Variants in MRE11 observed in about 807,000 individuals in gnomAD.
MRE11 encodes double-strand break repair protein MRE11.
MRE11 carries 62 observed loss-of-function variants against 91.7 expected under a neutral mutation model. That is an observed-to-expected ratio of 0.68 (90% CI 0.55 to 0.84). The LOEUF is 0.84. Ranked by LOEUF, MRE11 falls within the 40% of genes least tolerant of loss-of-function variation. MRE11 has a pLI of 0.00. For missense variants in MRE11, 796 were observed against 852.9 expected, an observed-to-expected ratio of 0.93 and a Z score of 0.83; for synonymous variants, 273 against 271.4, an observed-to-expected ratio of 1.01 and a Z score of -0.06.
chr11:94,468,103 T>C (rs1284303879), intron 9 of MRE11, among the ~76,000 whole-genome samples: 1 of 152,156 alleles, frequency 6.6e-6, no homozygotes, highest in African/African-American at 2.4e-5. Flanking sequence ...CTTCATAATT[T>C]TTCAATCTCT....
At chr11:94,504,886 G>A in the MRE11 span, among the ~76,000 whole-genome samples, 1 of 152,116 alleles carries the variant, frequency 6.6e-6, no homozygotes, top group African/African-American at 2.4e-5. Flanking sequence ...TCTCCATCTA[G>A]TGGTCATGTT....
At position 94,464,158 on chromosome 11, in the gene MRE11, C is replaced by G. The variant is rs876658546; in HGVS notation, c.1180G>C (p.Asp394His). 1 of 1,613,814 alleles carries G rather than the reference C, an allele frequency of 6.2e-7. No individual in the cohort carries two copies. Among genetic ancestry groups the G allele is most frequent in the Non-Finnish European group, 8.5e-7 (1 of 1,179,878 alleles). ...KFVDRVANPK[D>H]IIHFFRHREQ... ...CTATGCCTGAAAAAATGGATAATGT[C>G]TTTTGGATTAGCTACCCGATCCACA... Residue 394 changes from aspartate to histidine, a missense_variant, in exon 11 of 20, where the codon GAC becomes CAC. Physicochemically the swap from Asp to His is moderately conservative, Grantham distance 81. Coordinates refer to ENST00000323929, the MANE Select transcript of MRE11 (RefSeq NM_005591.4).
At chr11:94,484,185 T>C (rs945151503) in intron 4 of MRE11, among the ~76,000 whole-genome samples, 2 of 152,102 alleles carry the variant, frequency 1.3e-5, no homozygotes, top group African/African-American at 4.8e-5. Context: ...TAAATTATGA[T>C]AGTAATAAAT....
intron 14 of MRE11, among the ~76,000 whole-genome samples, chr11:94,450,027 T>C (rs1946056864): frequency 6.6e-6 from 1 of 152,186 alleles, no homozygotes; most frequent in Non-Finnish European, 1.5e-5. Context: ...ACATGTTTAG[T>C]GTTCATTCCT....
At chr11:94,462,272 T>C (rs1031766151) in intron 11 of MRE11, among the ~76,000 whole-genome samples, 1 of 151,870 alleles carries the variant, frequency 6.6e-6, no homozygotes, top group African/African-American at 2.4e-5. Flanking sequence ...CTCAACGAAA[T>C]AAAAGAGGAC....
intron 9 of MRE11, among the ~76,000 whole-genome samples, chr11:94,469,364 C>T (rs1050759955): frequency 3.3e-5 from 5 of 152,102 alleles, no homozygotes; most frequent in African/African-American, 1.2e-4. Context: ...CCAGAGTGCA[C>T]AGAACTGCCT....
At chr11:94,463,602 T>C (rs1406801742) in intron 11 of MRE11, among the ~76,000 whole-genome samples, 1 of 152,078 alleles carries the variant, frequency 6.6e-6, no homozygotes, top group African/African-American at 2.4e-5. Context: ...TATGCAGCCA[T>C]AAAAAATGAT....
chr11:94,475,420 G>A (rs757595543), intron 7 of MRE11: 50 of 339,404 alleles, frequency 1.5e-4, no homozygotes, highest in Admixed American at 2.7e-4. Context: ...AACACCCCCC[G>A]TGGATACCAA....
chr11:94,461,173 G>A (rs764907954), intron 11 of MRE11, 137 bp from the exon 12 acceptor site: 2 of 678,994 alleles, frequency 2.9e-6, no homozygotes, highest in Non-Finnish European at 5.0e-6. Context: ...AAATTTTGAG[G>A]CAAAACAAGC....
rs1440221372 is a variant in MRE11 at position 94,418,439 on chromosome 11, T to C, written c.*1686A>G. ...CTTTTTTCCTAGGAACTTGTCAGGA[T>C]ACTTTAGTGACCATTCCCTCACTAT... On this transcript the variant is annotated 3_prime_UTR_variant, in exon 20 of 20. Coordinates refer to ENST00000323929, the MANE Select transcript of MRE11 (RefSeq NM_005591.4). 8.6e-6 allele frequency: 2 copies of C among 231,980 alleles called. No individual in the cohort carries two copies. Among genetic ancestry groups the C allele is most frequent in the Non-Finnish European group, 1.7e-5 (2 of 117,376 alleles). 14.4% of individuals were successfully genotyped at this position (231,980 alleles called of 1,614,324 possible). A position where few individuals can be genotyped will look rare whatever the true frequency, so the allele number is the denominator to read the frequency against.
the MRE11 span, among the ~76,000 whole-genome samples, chr11:94,501,427 G>A: frequency 7.2e-5 from 11 of 152,120 alleles, no homozygotes; most frequent in East Asian, 5.8e-4. Flanking sequence ...GTTGAAAATC[G>A]TAAGAGCCAT....
At chr11:94,468,009 G>T in intron 9 of MRE11, 116 bp from the exon 10 acceptor site, 2 of 769,642 alleles carry the variant, frequency 2.6e-6, no homozygotes, top group Non-Finnish European at 4.6e-6. Flanking sequence ...TTATTTCCTA[G>T]GTCATTTATG....
intron 11 of MRE11, among the ~76,000 whole-genome samples, chr11:94,461,993 T>C (rs2135007503): frequency 6.6e-6 from 1 of 152,266 alleles, no homozygotes; most frequent in Non-Finnish European, 1.5e-5. Flanking sequence ...GAGAATGGCG[T>C]GAACCTGGGA....
rs77973064 is a variant in MRE11 at position 94,458,823 on chromosome 11, C to A, written c.1500+585G>T. Among the ~76,000 whole-genome samples, 539 of 152,092 alleles carry A rather than the reference C, an allele frequency of 3.5e-3. 5 individuals carry two copies. The highest frequency in any genetic ancestry group is 7.1e-3 in the Admixed American group (108 of 15,270). ...AGCTATTTATATTTCTTTTATGAAC[C>A]ACCTATTCATGTCCTTTGTTCATTA... On this transcript the variant is annotated intron_variant, in intron 13 of 19. Coordinates refer to ENST00000323929, the MANE Select transcript of MRE11 (RefSeq NM_005591.4).
At chr11:94,508,126 T>G in the MRE11 span, among the ~76,000 whole-genome samples, 2 of 151,870 alleles carry the variant, frequency 1.3e-5, no homozygotes, top group African/African-American at 4.8e-5. Flanking sequence ...CATGTATTTG[T>G]TTTTGTAGAG....
intron 16 of MRE11, among the ~76,000 whole-genome samples, chr11:94,445,113 C>G (rs1313412842): frequency 6.6e-6 from 1 of 152,090 alleles, no homozygotes; most frequent in East Asian, 1.9e-4. Context: ...ATATAGGTCA[C>G]ATGACTTCTC....
At chr11:94,484,517 C>T (rs765497660) in intron 4 of MRE11, among the ~76,000 whole-genome samples, 53 of 152,150 alleles carry the variant, frequency 3.5e-4, no homozygotes, top group Non-Finnish European at 6.2e-4. Context: ...ACTCCCTGCC[C>T]TTTGAGAGTA....
chr11:94,510,315 C>G, the MRE11 span, among the ~76,000 whole-genome samples: 1 of 152,140 alleles, frequency 6.6e-6, no homozygotes, highest in East Asian at 1.9e-4. Flanking sequence ...TTTTTAATGC[C>G]TGTAAGATCT....
chr11:94,431,623 T>C (rs1945463998), intron 18 of MRE11, among the ~76,000 whole-genome samples: 1 of 152,200 alleles, frequency 6.6e-6, no homozygotes, highest in African/African-American at 2.4e-5. Flanking sequence ...CTGGACTGTA[T>C]GACTAGTTGG....
Sources: gnomAD v4.1 joint callset for allele counts (sites outside exome capture counted in the v4.1 genomes callset) on GRCh38, gnomAD v4.1.1 for gene constraint, MANE v1.5 for transcripts, NCBI Gene and HGNC (gene_info 2026-07-23, HGNC 2026-07-21) for gene names.